The following GFRA1 variants were observed in gnomAD, a reference collection of about 807,000 sequenced individuals.
The protein encoded by GFRA1 is GDNF family receptor alpha 1, also known as GDNF family receptor alpha-1.
In GFRA1, 16 loss-of-function variants were observed where a neutral mutation model predicts 51.6. The ratio of observed to expected loss-of-function variants is 0.31; its 90% CI spans 0.21 to 0.47. The LOEUF is 0.47. Ranked by LOEUF, GFRA1 falls within the 20% of genes least tolerant of loss-of-function variation. The pLI, the probability that GFRA1 is intolerant of heterozygous loss-of-function variation, is 1.00. For synonymous variants in GFRA1, 270 were observed against 241.3 expected (o/e 1.12, Z -1.10); for missense variants, 530 against 594.3 (o/e 0.89, Z 1.13).
intron 5 of GFRA1, among the ~76,000 whole-genome samples, chr10:116,153,334 T>G (rs778472761): frequency 6.6e-6 from 1 of 152,170 alleles, no homozygotes; most frequent in Admixed American, 6.5e-5. Context: ...TTTATACATC[T>G]TTCTGGAATT....
chr10:116,229,267 C>T (rs1288591790), intron 4 of GFRA1, among the ~76,000 whole-genome samples: 1 of 152,016 alleles, frequency 6.6e-6, no homozygotes, highest in Non-Finnish European at 1.5e-5. Context: ...GCAATGAGGG[C>T]AAGTGACAAG....
In GFRA1 at chr10:116,065,590, G is replaced by A. The variant is rs1254991810; in HGVS notation, c.1234C>T (p.His412Tyr). The A allele has an allele frequency of 1.9e-6, 3 of 1,612,926 alleles. No individual in the cohort carries two copies. The highest frequency in any genetic ancestry group is 2.5e-6 in the Non-Finnish European group (3 of 1,179,082). ...ATACTTACATTGGAAATACAGAGGT[G>A]TGTATTGCCCGACACATTGGATTTC... is the stretch of plus-strand genomic sequence containing the variant. ...KLKSNVSGNT[H>Y]LCISNGNYEK... is the part of the protein sequence containing the mutation. Residue 412 changes from histidine to tyrosine, a missense_variant, in exon 10 of 11, where the codon CAC becomes TAC. Coordinates refer to ENST00000355422, the MANE Select transcript of GFRA1 (RefSeq NM_005264.8).
intron 4 of GFRA1, 74 bp downstream of exon 4, chr10:116,269,429 G>C (rs530363747): frequency 3.5e-6 from 3 of 855,680 alleles, no homozygotes; most frequent in Non-Finnish European, 6.1e-6. Context: ...TATGCTCTTT[G>C]AGAGCCAAAG....
chr10:116,219,931 T>A (rs1965811056), intron 4 of GFRA1, among the ~76,000 whole-genome samples: 1 of 152,186 alleles, frequency 6.6e-6, no homozygotes, highest in Non-Finnish European at 1.5e-5. Context: ...CCATTCACCT[T>A]CCCTGGGATT....
chr10:116,138,467 C>T (rs961931650), intron 5 of GFRA1, among the ~76,000 whole-genome samples: 1 of 152,112 alleles, frequency 6.6e-6, no homozygotes, highest in Admixed American at 6.6e-5. Flanking sequence ...GAGCTGCCTG[C>T]TAGTGGACAG....
intron 4 of GFRA1, among the ~76,000 whole-genome samples, chr10:116,243,581 A>G (rs1589904495): frequency 6.6e-6 from 1 of 151,990 alleles, no homozygotes; most frequent in South Asian, 2.1e-4. Context: ...GAAAAAAAAA[A>G]CACAGGGAAA....
At chr10:116,124,062 G>A (rs1293908854) in intron 6 of GFRA1, among the ~76,000 whole-genome samples, 2 of 151,822 alleles carry the variant, frequency 1.3e-5, no homozygotes, top group African/African-American at 2.4e-5. Flanking sequence ...GCACTACCAC[G>A]CCTGGCTATT....
intron 5 of GFRA1, among the ~76,000 whole-genome samples, chr10:116,174,294 A>G (rs1211894191): frequency 6.6e-6 from 1 of 152,228 alleles, no homozygotes; most frequent in Non-Finnish European, 1.5e-5. Context: ...AGATATGTCT[A>G]TATTTCAGAA....
intron 4 of GFRA1, among the ~76,000 whole-genome samples, chr10:116,217,766 A>G (rs1449706117): frequency 6.6e-6 from 1 of 152,234 alleles, no homozygotes; most frequent in African/African-American, 2.4e-5. Context: ...ACATGCCAGT[A>G]ACAATAGGTA....
chr10:116,077,409 T>C (rs191241599), intron 9 of GFRA1, among the ~76,000 whole-genome samples: 27 of 152,348 alleles, frequency 1.8e-4, no homozygotes, highest in Non-Finnish European at 3.2e-4. Flanking sequence ...TAGATTTTGA[T>C]AAAAGCTATT....
intron 5 of GFRA1, among the ~76,000 whole-genome samples, 182 bp from the exon 6 acceptor site, chr10:116,125,739 A>G (rs1957844381): frequency 6.6e-6 from 1 of 152,244 alleles, no homozygotes. Flanking sequence ...TACAAATACC[A>G]GGAGTCTACG....
intron 4 of GFRA1, among the ~76,000 whole-genome samples, chr10:116,235,891 C>T (rs575209622): frequency 9.2e-5 from 14 of 152,218 alleles, no homozygotes; most frequent in African/African-American, 3.4e-4. Flanking sequence ...GAATGAAATT[C>T]GCCTTGCTGG....
Position 116,120,579 on chromosome 10 carries a change from T to C in GFRA1, c.770+4642A>G, listed in dbSNP as rs938894025. Among the ~76,000 whole-genome samples the C allele has an allele frequency of 3.3e-5, 5 of 152,234 alleles. No individual in the cohort carries two copies. In the East Asian group the frequency reaches 9.7e-4, roughly 29 times the overall value. ...CAGCCTAGGTAACAGAATGAGACTC[T>C]GTCTCTAAAAAATAATAATTAAATA... On this transcript the variant is annotated intron_variant, in intron 6 of 10. Transcript: ENST00000355422.
At chr10:116,122,349 A>T (rs567788742) in intron 6 of GFRA1, among the ~76,000 whole-genome samples, 1 of 152,248 alleles carries the variant, frequency 6.6e-6, no homozygotes, top group African/African-American at 2.4e-5. Context: ...GTCAATACAT[A>T]GACAAGGGCT....
chr10:116,271,187 C>G (rs573597834), intron 2 of GFRA1, 72 bp from the exon 3 acceptor site: 1 of 1,383,566 alleles, frequency 7.2e-7, no homozygotes, highest in Non-Finnish European at 9.8e-7. Context: ...CGGGCGAGGG[C>G]GCGCGCCCGG....
rs781398878 is a variant in GFRA1 at position 116,065,581 on chromosome 10, T to C, written c.1243A>G (p.Ile415Val). 2 of 1,612,816 alleles carry C rather than the reference T, an allele frequency of 1.2e-6. No individual in the cohort carries two copies. Among genetic ancestry groups the C allele is most frequent in the Non-Finnish European group, 1.7e-6 (2 of 1,179,018 alleles). Residue 415 changes from isoleucine (I) to valine (V), a missense_variant, in exon 10 of 11, where the codon ATT becomes GTT. Transcript: ENST00000355422. ...AAAAGAAACATACTTACATTGGAAA[T>C]ACAGAGGTGTGTATTGCCCGACACA... Reference protein sequence around the residue: ...SNVSGNTHLCISNGNYEKEGL... With the variant: ...SNVSGNTHLCVSNGNYEKEGL...
intron 9 of GFRA1, among the ~76,000 whole-genome samples, chr10:116,082,859 G>C (rs918750419): frequency 1.3e-5 from 2 of 152,138 alleles, no homozygotes; most frequent in African/African-American, 4.8e-5. Flanking sequence ...CCCTGCTCCT[G>C]AGAGCAGCTC....
At chr10:116,271,240 G>A in intron 2 of GFRA1, 125 bp from the exon 3 acceptor site, 1 of 714,876 alleles carries the variant, frequency 1.4e-6, no homozygotes, top group Non-Finnish European at 2.3e-6. Context: ...CCTGCTCTGG[G>A]AGCGGGTCCA....
At chr10:116,134,163 C>A (rs1158873817) in intron 5 of GFRA1, among the ~76,000 whole-genome samples, 1 of 152,210 alleles carries the variant, frequency 6.6e-6, no homozygotes, top group African/African-American at 2.4e-5. Context: ...CAAAAATTCA[C>A]AAGACAATAA....
Sources: allele counts gnomAD v4.1 joint callset (sites outside exome capture counted in the v4.1 genomes callset), GRCh38; gene constraint gnomAD v4.1.1; transcripts MANE v1.5; gene names NCBI Gene and HGNC (gene_info 2026-07-23, HGNC 2026-07-21).